C8orf34: variants seen among roughly 807,000 people sequenced by gnomAD.
C8orf34 encodes the protein uncharacterized protein C8orf34.
C8orf34 carries 65 observed loss-of-function variants against 68.3 expected under a neutral mutation model. The observed-to-expected ratio is 0.95, with a 90% confidence interval of 0.78 to 1.17. The LOEUF (loss-of-function observed/expected upper bound fraction) is 1.17. Ranked by LOEUF, C8orf34 falls within the 50% of genes most tolerant of loss-of-function variation. The pLI is 0.00. For missense variants in C8orf34, 664 were observed against 655.4 expected, an observed-to-expected ratio of 1.01 and a Z score of -0.14; for synonymous variants, 244 against 241.2, an observed-to-expected ratio of 1.01 and a Z score of -0.11.
chr8:68,811,755 G>T (rs1824657970), intron 12 of C8orf34, among the ~76,000 whole-genome samples: 2 of 152,210 alleles, frequency 1.3e-5, no homozygotes, highest in South Asian at 4.1e-4. Flanking sequence ...ATTAAATTTT[G>T]ATTGTTATGT....
chr8:68,544,988 T>C (rs546351907), intron 7 of C8orf34, among the ~76,000 whole-genome samples: 1 of 152,270 alleles, frequency 6.6e-6, no homozygotes, highest in East Asian at 1.9e-4. Context: ...ATAATGTCCA[T>C]TTTATCCCCA....
At chr8:68,399,794 C>A (rs1207007435) in intron 1 of C8orf34, among the ~76,000 whole-genome samples, 1 of 152,032 alleles carries the variant, frequency 6.6e-6, no homozygotes, top group Admixed American at 6.6e-5. Context: ...TAAGCGTTCC[C>A]TTTTCTCTGC....
intron 8 of C8orf34, among the ~76,000 whole-genome samples, chr8:68,666,973 A>AT (rs780220674): frequency 6.6e-6 from 1 of 152,138 alleles, no homozygotes; most frequent in African/African-American, 2.4e-5. Context: ...ACACACTGCT[A>AT]TTTTTTAGAG....
intron 7 of C8orf34, among the ~76,000 whole-genome samples, chr8:68,633,784 G>C (rs1350263899): frequency 6.6e-6 from 1 of 151,358 alleles, no homozygotes; most frequent in East Asian, 1.9e-4. Flanking sequence ...GTAGAAAAAA[G>C]AGAGGAAGAA....
rs376489111 is a variant in C8orf34 at position 68,489,887 on chromosome 8, T to A, written c.765+1836T>A. ...ATGTATTTCTGACTCACTAAAAAAA[T>A]ATAATTTATGAATATATTCTTAAAT... On this transcript the variant is annotated intron_variant, in intron 5 of 13. Coordinates refer to ENST00000518698, the MANE Select transcript of C8orf34 (RefSeq NM_052958.4). Among the ~76,000 whole-genome samples the A allele has an allele frequency of 1.2e-4, 19 of 152,328 alleles. No homozygotes were observed. In the East Asian group the frequency reaches 3.1e-3, roughly 25 times the overall value.
intron 12 of C8orf34, among the ~76,000 whole-genome samples, chr8:68,802,300 A>C (rs1429019560): frequency 6.6e-6 from 1 of 151,638 alleles, no homozygotes; most frequent in Non-Finnish European, 1.5e-5. Context: ...GGGTTTCTCC[A>C]TGTTGGTCAG....
intron 10 of C8orf34, among the ~76,000 whole-genome samples, chr8:68,759,675 G>C (rs1465458508): frequency 6.6e-6 from 1 of 152,156 alleles, no homozygotes; most frequent in Admixed American, 6.5e-5. Context: ...AGTTATCCTT[G>C]ATTTTTCTGA....
intron 8 of C8orf34, among the ~76,000 whole-genome samples, chr8:68,697,801 T>A (rs1398703668): frequency 1.3e-5 from 2 of 152,112 alleles, no homozygotes; most frequent in East Asian, 3.9e-4. Context: ...TTTCGTCCAA[T>A]TTAGGAAAGT....
intron 9 of C8orf34, among the ~76,000 whole-genome samples, chr8:68,710,527 G>A (rs558059282): frequency 3.3e-5 from 5 of 152,154 alleles, no homozygotes; most frequent in East Asian, 3.9e-4. Context: ...CTTCCTTGGC[G>A]ACCTGTATGA....
Position 68,468,687 on chromosome 8 carries a change from C to T in C8orf34, c.608-5C>T. On this transcript the variant is annotated splice_region_variant and splice_polypyrimidine_tract_variant and intron_variant, in intron 3 of 13. Transcript: ENST00000518698. ...TTATGAAATTACCATTTTTTTTAAA[C>T]ATAGTGCCAAGGTCAGTAGAGCATC... 1 of 1,603,760 alleles carries T rather than the reference C, an allele frequency of 6.2e-7. No individual in the cohort carries two copies. Among genetic ancestry groups the T allele is most frequent in the Non-Finnish European group, 8.5e-7 (1 of 1,176,432 alleles).
chr8:68,642,430 G>A (rs555182797), intron 8 of C8orf34, among the ~76,000 whole-genome samples: 2 of 152,256 alleles, frequency 1.3e-5, no homozygotes, highest in African/African-American at 2.4e-5. Flanking sequence ...CAGTTGTCGA[G>A]AACTATAGAG....
chr8:68,542,483 T>C (rs1815734540), intron 7 of C8orf34, among the ~76,000 whole-genome samples: 1 of 152,190 alleles, frequency 6.6e-6, no homozygotes, highest in Non-Finnish European at 1.5e-5. Flanking sequence ...ACAGTTAGCA[T>C]TGGTAATATT....
chr8:68,604,302 TG>T (rs556922044), intron 7 of C8orf34, among the ~76,000 whole-genome samples: 176 of 135,262 alleles, frequency 1.3e-3, no homozygotes, highest in African/African-American at 5.9e-3. Context: ...AACATTGAGT[TG>T]TTTTTTTTTT....
rs11341573 is a variant in C8orf34 at position 68,344,363 on chromosome 8, AT to A, written c.327+13029del. On this transcript the variant is annotated intron_variant, in intron 1 of 13. Transcript: ENST00000518698. Reference sequence around the variant, plus strand: ...ATTACATTTATAAAATAGTGACAAAATTTTTATTTGTGATTTCTGGGTGTCA... The same window carrying A: ...ATTACATTTATAAAATAGTGACAAAATTTTATTTGTGATTTCTGGGTGTCA... Among the ~76,000 whole-genome samples, 1,193 of 152,296 alleles carry A rather than the reference AT, an allele frequency of 7.8e-3. 19 individuals carry two copies. Among genetic ancestry groups the A allele is most frequent in the African/African-American group, 0.026 (1,097 of 41,560 alleles).
intron 8 of C8orf34, among the ~76,000 whole-genome samples, chr8:68,641,740 A>C (rs1324918838): frequency 6.6e-6 from 1 of 152,206 alleles, no homozygotes; most frequent in African/African-American, 2.4e-5. Context: ...AGTTTATAAA[A>C]AATGTTTTTC....
At chr8:68,736,602 A>G (rs1199906530) in intron 10 of C8orf34, among the ~76,000 whole-genome samples, 1 of 152,142 alleles carries the variant, frequency 6.6e-6, no homozygotes, top group Admixed American at 6.6e-5. Flanking sequence ...ATACAATAAA[A>G]TGAAACATAA....
chr8:68,612,538 G>T (rs1818053898), intron 7 of C8orf34, among the ~76,000 whole-genome samples: 1 of 152,070 alleles, frequency 6.6e-6, no homozygotes, highest in South Asian at 2.1e-4. Flanking sequence ...TGCCATTTAA[G>T]ATTGTTTATA....
chr8:68,490,849 GC>G (rs1223798167), intron 5 of C8orf34, among the ~76,000 whole-genome samples: 24 of 152,256 alleles, frequency 1.6e-4, no homozygotes, highest in African/African-American at 4.8e-4. Context: ...CTGTCCCATA[GC>G]ACCCTCTGGT....
intron 7 of C8orf34, among the ~76,000 whole-genome samples, chr8:68,637,434 A>C (rs1818879122): frequency 6.6e-6 from 1 of 152,094 alleles, no homozygotes; most frequent in Non-Finnish European, 1.5e-5. Flanking sequence ...TCTGTGTACC[A>C]GTAAGATTTC....
Sources: allele counts gnomAD v4.1 joint callset (sites outside exome capture counted in the v4.1 genomes callset), GRCh38; gene constraint gnomAD v4.1.1; transcripts MANE v1.5; gene names NCBI Gene and HGNC (gene_info 2026-07-23, HGNC 2026-07-21).